Variants in ATP8A2 observed in about 807,000 individuals in gnomAD.
ATP8A2 encodes the protein ATPase phospholipid transporting 8A2, also known as phospholipid-transporting ATPase IB.
In ATP8A2, 100 loss-of-function variants were observed where a neutral mutation model predicts 165.6. The observed-to-expected ratio is 0.60, with a 90% CI of 0.51 to 0.71. The LOEUF (loss-of-function observed/expected upper bound fraction) is 0.71, where lower values mean the gene tolerates loss of function less well. Among genes scored for constraint, ATP8A2 ranks in the 30% least tolerant of loss-of-function variants. The probability of loss-of-function intolerance (pLI) is 0.00; values close to 1 mark genes in which losing one functional copy is unlikely to be tolerated. For missense variants in ATP8A2, 1,227 were observed against 1,479.5 expected (o/e 0.83, Z 2.80); for synonymous variants, 543 against 548.8 (o/e 0.99, Z 0.15).
intron 25 of ATP8A2, among the ~76,000 whole-genome samples, chr13:25,715,767 T>C (rs2043243100): frequency 6.6e-6 from 1 of 152,248 alleles, no homozygotes; most frequent in African/African-American, 2.4e-5. Context: ...TAAACATTCA[T>C]CTACAAATTT....
chr13:25,890,244 G>A (rs2762979), intron 33 of ATP8A2, among the ~76,000 whole-genome samples: 147,689 of 152,312 alleles, frequency 0.97, 71,787 homozygotes, highest in East Asian at 1. Context: ...CTGAAAACTA[G>A]CAGCTTCCAA....
intron 2 of ATP8A2, among the ~76,000 whole-genome samples, chr13:25,469,866 C>A (rs1007909569): frequency 2.0e-5 from 3 of 152,186 alleles, no homozygotes; most frequent in Non-Finnish European, 4.4e-5. Flanking sequence ...AAAGCTAGTT[C>A]TTTATCACGG....
Position 25,998,148 on chromosome 13 carries a change from C to G in ATP8A2, c.3378-14383C>G, listed in dbSNP as rs538279595. ...GCTCCTGCTCTCCAGGTGCAGGGGTCCTGATTCTCCATAAGACCTTTTCTG... is the reference window on the plus strand; with the variant it reads ...GCTCCTGCTCTCCAGGTGCAGGGGTGCTGATTCTCCATAAGACCTTTTCTG... On this transcript the variant is annotated intron_variant, in intron 35 of 36. Coordinates refer to ENST00000381655, the MANE Select transcript of ATP8A2 (RefSeq NM_016529.6). Among the ~76,000 whole-genome samples the G allele has an allele frequency of 1.8e-4, 28 of 152,220 alleles. No individual in the cohort carries two copies. The South Asian group carries it at 5.6e-3, about 30-fold the overall frequency.
intron 2 of ATP8A2, 79 bp from the exon 3 acceptor site, chr13:25,529,920 T>C: frequency 1.3e-6 from 1 of 794,058 alleles, no homozygotes; most frequent in Admixed American, 2.6e-5. Flanking sequence ...TTGTAAAACT[T>C]TCTAAACTTC....
intron 2 of ATP8A2, among the ~76,000 whole-genome samples, chr13:25,496,074 T>C (rs2036670281): frequency 6.6e-6 from 1 of 152,184 alleles, no homozygotes; most frequent in Non-Finnish European, 1.5e-5. Context: ...GGCTGTATTG[T>C]CTGACTTCTT....
intron 24 of ATP8A2, among the ~76,000 whole-genome samples, chr13:25,628,882 G>A (rs2041168670): frequency 1.3e-5 from 2 of 152,144 alleles, no homozygotes; most frequent in African/African-American, 2.4e-5. Context: ...TCCAACATAC[G>A]TTTTATTGTG....
chr13:25,694,470 C>T (rs147506945), intron 24 of ATP8A2, among the ~76,000 whole-genome samples: 1,801 of 152,228 alleles, frequency 0.012, 15 homozygotes, highest in Non-Finnish European at 0.021. Flanking sequence ...CACTGACCCC[C>T]GGCAGGCACC....
At chr13:25,740,843 G>A (rs1033316194) in intron 25 of ATP8A2, among the ~76,000 whole-genome samples, 4 of 152,160 alleles carry the variant, frequency 2.6e-5, no homozygotes, top group South Asian at 2.1e-4. Flanking sequence ...ATGAGTGATA[G>A]GAAATTTCAC....
chr13:25,691,324 A>G (rs2042720456), intron 24 of ATP8A2, among the ~76,000 whole-genome samples: 1 of 152,222 alleles, frequency 6.6e-6, no homozygotes, highest in South Asian at 2.1e-4. Flanking sequence ...TACGCTTAAA[A>G]TGGGTCAGCT....
At chr13:25,695,403 A>G (rs974008576) in intron 24 of ATP8A2, among the ~76,000 whole-genome samples, 1 of 152,142 alleles carries the variant, frequency 6.6e-6, no homozygotes, top group African/African-American at 2.4e-5. Context: ...CAATTTCTCA[A>G]AATAAGACAA....
chr13:25,624,550 G>A (rs2041054629), intron 24 of ATP8A2, among the ~76,000 whole-genome samples: 1 of 152,100 alleles, frequency 6.6e-6, no homozygotes, highest in Non-Finnish European at 1.5e-5. Flanking sequence ...TTTCAATGGT[G>A]CCTCTATTAG....
intron 27 of ATP8A2, among the ~76,000 whole-genome samples, chr13:25,784,610 T>C (rs1191710932): frequency 6.6e-6 from 1 of 152,058 alleles, no homozygotes; most frequent in East Asian, 1.9e-4. Context: ...GGTTTTTGGG[T>C]TTTGTTTGTT....
chr13:25,794,854 C>CAT, intron 27 of ATP8A2, among the ~76,000 whole-genome samples: 1 of 151,604 alleles, frequency 6.6e-6, no homozygotes, highest in East Asian at 1.9e-4. Flanking sequence ...CACACACACA[C>CAT]ACACACCTTC....
chr13:25,438,290 T>A (rs1428667247), intron 1 of ATP8A2, among the ~76,000 whole-genome samples: 1 of 152,164 alleles, frequency 6.6e-6, no homozygotes, highest in Non-Finnish European at 1.5e-5. Context: ...TTCATGATGA[T>A]TTCCATTGAA....
At chr13:25,556,533 A>C (rs1289806517) in intron 13 of ATP8A2, among the ~76,000 whole-genome samples, 1 of 151,818 alleles carries the variant, frequency 6.6e-6, no homozygotes, top group Non-Finnish European at 1.5e-5. Flanking sequence ...CGGATGTATA[A>C]TTTGCAAATA....
intron 30 of ATP8A2, among the ~76,000 whole-genome samples, chr13:25,849,852 G>A (rs1458713762): frequency 6.6e-6 from 1 of 152,202 alleles, no homozygotes; most frequent in East Asian, 1.9e-4. Flanking sequence ...ATCTGGGACT[G>A]TGTTTCTGTC....
rs753267305 is a variant in ATP8A2, at chr13:25,530,040, T to C, written c.263T>C (p.Leu88Ser). ...YSVLTFLPRF[L>S]YEQIRRAANA... ...GTGTTGACATTTCTACCTCGATTCT[T>C]GTATGAGCAGATTAGAAGAGCTGCT... Residue 88 changes from leucine (L) to serine (S), a missense_variant, in exon 3 of 37, where the codon TTG (leucine) becomes TCG (serine). Coordinates refer to ENST00000381655, the MANE Select transcript of ATP8A2 (RefSeq NM_016529.6). The C allele has an allele frequency of 2.5e-6, 4 of 1,613,186 alleles. No individual in the cohort carries two copies. In the African/African-American group the frequency reaches 4.0e-5, roughly 16 times the overall value.
intron 24 of ATP8A2, among the ~76,000 whole-genome samples, chr13:25,680,774 C>G (rs2042469738): frequency 6.6e-6 from 1 of 152,320 alleles, no homozygotes; most frequent in East Asian, 1.9e-4. Context: ...CATCAAGGTG[C>G]CCTCTACAAC....
At chr13:25,857,052 T>C (rs1427253186) in intron 30 of ATP8A2, among the ~76,000 whole-genome samples, 1 of 152,234 alleles carries the variant, frequency 6.6e-6, no homozygotes, top group African/African-American at 2.4e-5. Flanking sequence ...GGTTACCTAT[T>C]ACAATTAACA....
Sources: allele counts gnomAD v4.1 joint callset (sites outside exome capture counted in the v4.1 genomes callset), GRCh38; gene constraint gnomAD v4.1.1; transcripts MANE v1.5; gene names NCBI Gene and HGNC (gene_info 2026-07-23, HGNC 2026-07-21).